Variants in CCDC102A observed in about 807,000 individuals in gnomAD.
CCDC102A encodes the protein coiled-coil domain-containing protein 102A.
CCDC102A carries 40 observed loss-of-function variants against 55.5 expected under a neutral mutation model. The ratio of observed to expected loss-of-function variants is 0.72; its 90% CI spans 0.56 to 0.94. The LOEUF is 0.94. Ranked by LOEUF, CCDC102A falls within the 40% of genes least tolerant of loss-of-function variation. The pLI is 0.00. For synonymous variants in CCDC102A, 323 were observed against 339.0 expected (o/e 0.95, Z 0.52); for missense variants, 779 against 768.6 (o/e 1.01, Z -0.16).
chr16:57,535,714 C>T (rs1252108606), intron 1 of CCDC102A, among the ~76,000 whole-genome samples: 6 of 150,910 alleles, frequency 4.0e-5, no homozygotes, highest in East Asian at 2.0e-4. Context: ...AGCTCCATCA[C>T]TGATATGCTG....
At chr16:57,519,040 C>A (rs1481507106) in intron 4 of CCDC102A, among the ~76,000 whole-genome samples, 1 of 152,234 alleles carries the variant, frequency 6.6e-6, no homozygotes, top group Non-Finnish European at 1.5e-5. Flanking sequence ...AATCATACCA[C>A]CCTCCTCCCA....
chr16:57,520,002 C>T (rs1483538492), intron 4 of CCDC102A, among the ~76,000 whole-genome samples: 1 of 152,208 alleles, frequency 6.6e-6, no homozygotes, highest in Non-Finnish European at 1.5e-5. Context: ...CTCTGAGCCC[C>T]CACACTGCAG....
intron 1 of CCDC102A, among the ~76,000 whole-genome samples, chr16:57,536,201 C>T (rs1238475471): frequency 1.3e-5 from 2 of 152,122 alleles, no homozygotes; most frequent in African/African-American, 2.4e-5. Flanking sequence ...ATTCCGTCCC[C>T]GCCCGCCGCC....
At chr16:57,519,763 A>G (rs1366492768) in intron 4 of CCDC102A, among the ~76,000 whole-genome samples, 1 of 152,234 alleles carries the variant, frequency 6.6e-6, no homozygotes, top group Non-Finnish European at 1.5e-5. Context: ...AAAGGTGCTG[A>G]TTCAGGAGGG....
intron 1 of CCDC102A, among the ~76,000 whole-genome samples, chr16:57,531,498 T>A (rs1478368862): frequency 6.6e-6 from 1 of 152,112 alleles, no homozygotes; most frequent in Non-Finnish European, 1.5e-5. Context: ...TCCCTGCCCA[T>A]CATGCACTTT....
chr16:57,525,164 C>T (rs886605604), intron 3 of CCDC102A, among the ~76,000 whole-genome samples: 7 of 152,152 alleles, frequency 4.6e-5, no homozygotes, highest in Non-Finnish European at 1.0e-4. Context: ...GGCACAATTC[C>T]GGCTCACTGC....
chr16:57,525,432 T>C (rs2032122310), intron 3 of CCDC102A, among the ~76,000 whole-genome samples: 1 of 152,100 alleles, frequency 6.6e-6, no homozygotes, highest in Non-Finnish European at 1.5e-5. Flanking sequence ...ATCTCTTCAC[T>C]GGTGACTCTT....
Position 57,528,925 on chromosome 16 carries a change from C to A in CCDC102A, c.253G>T (p.Ala85Ser). Residue 85 changes from alanine to serine, a missense_variant, in exon 2 of 9, where the codon GCG becomes TCG. Transcript: ENST00000258214. ...GTCTTCTCCATCTGCGCCGCCCGCGCCCGCGCCTCCTCCAGCTCCCGCAGC... is the reference window on the plus strand; with the variant it reads ...GTCTTCTCCATCTGCGCCGCCCGCGACCGCGCCTCCTCCAGCTCCCGCAGC... ...LRLRELEEARARAAQMEKTMR... is the reference protein window; with the variant it reads ...LRLRELEEARSRAAQMEKTMR... The A allele has an allele frequency of 7.1e-7, 1 of 1,403,156 alleles. No homozygotes were observed. The highest frequency in any genetic ancestry group is 3.5e-5 in the East Asian group (1 of 28,852). The allele number at this position is 1,403,156 out of a possible 1,614,324, so 86.9% of individuals were successfully genotyped here.
chr16:57,512,520 G>T lies in CCDC102A; in HGVS notation c.*221C>A. The T allele has an allele frequency of 2.1e-6, 1 of 466,470 alleles. No individual in the cohort carries two copies. The highest frequency in any genetic ancestry group is 3.7e-6 in the Non-Finnish European group (1 of 272,038). 28.9% of individuals were successfully genotyped at this position (466,470 alleles called of 1,614,324 possible). On this transcript the variant is annotated 3_prime_UTR_variant, in exon 9 of 9. Transcript: ENST00000258214. ...TCCAAAGACTTCTGGGTGTGCGCGC[G>T]CGCGCGCGCGTGTGTGTATATATAT...
intron 6 of CCDC102A, 21 bp downstream of exon 6, chr16:57,518,047 C>A (rs565566514): frequency 6.3e-7 from 1 of 1,578,422 alleles, no homozygotes; most frequent in Non-Finnish European, 8.6e-7. Context: ...CCAGCACTGG[C>A]CACTCCACTC....
At position 57,515,364 on chromosome 16, in the gene CCDC102A, C is replaced by A; in HGVS notation, c.1500G>T (p.Val500=). ...EQTEQSENLQ[V]QLEHLQSRLR... is the part of the protein sequence containing the mutation. ...ACCTGGACTGCAGGTGCTCCAGTTG[C>A]ACTTGCAGGTTCTCGCTCTGCTCCG... The change falls in exon 8 of 9, where the codon GTG becomes GTT. Residue 500 remains valine (V), a synonymous_variant. Coordinates refer to ENST00000258214, the MANE Select transcript of CCDC102A (RefSeq NM_033212.4). 1 of 1,605,384 alleles carries A rather than the reference C, an allele frequency of 6.2e-7. No homozygotes were observed. The highest frequency in any genetic ancestry group is 8.5e-7 in the Non-Finnish European group (1 of 1,176,492).
At position 57,525,946 on chromosome 16, in the gene CCDC102A, C is replaced by T. The variant is rs544503465; in HGVS notation, c.767G>A (p.Arg256Gln). 2.8e-5 allele frequency: 45 copies of T among 1,612,486 alleles called. No individual in the cohort carries two copies. The highest frequency in any genetic ancestry group is 1.0e-4 in the Admixed American group (6 of 59,468). Residue 256 changes from arginine (R) to glutamine (Q), a missense_variant, in exon 3 of 9, where the codon CGG becomes CAG. Physicochemically the swap from Arg to Gln is conservative, Grantham distance 43. Coordinates refer to ENST00000258214, the MANE Select transcript of CCDC102A (RefSeq NM_033212.4). ...EEEASKLTALRLRLDESQKVL... is the reference protein window; with the variant it reads ...EEEASKLTALQLRLDESQKVL... ...CTTCTGGGACTCATCCAGCCGTAGC[C>T]GCAGGGCGGTCAACTTGGAGGCCTC...
At position 57,512,686 on chromosome 16, in the gene CCDC102A, A is replaced by G; in HGVS notation, c.*55T>C. 1 of 1,566,034 alleles carries G rather than the reference A, an allele frequency of 6.4e-7. No individual in the cohort carries two copies. Among genetic ancestry groups the G allele is most frequent in the Non-Finnish European group, 8.7e-7 (1 of 1,155,646 alleles). On this transcript the variant is annotated 3_prime_UTR_variant, in exon 9 of 9. Transcript: ENST00000258214. ...ACTGCATCAGTTTGAGTGGCTGGTT[A>G]GCCTGGACCCTGGGCAGGTATGGGG...
At chr16:57,532,819 G>A (rs916856560) in intron 1 of CCDC102A, among the ~76,000 whole-genome samples, 6 of 152,236 alleles carry the variant, frequency 3.9e-5, no homozygotes, top group Non-Finnish European at 7.3e-5. Context: ...GTGAGAGCCT[G>A]TGGGGGGAGG....
rs1385072132 is a variant in CCDC102A at position 57,516,071 on chromosome 16, TC to T, written c.1419+221del. Reference sequence around the variant, plus strand: ...ACCCATTGGTTCATCCATGCACACATCCATCTTGTCTTCTGTTCATTTTTCT... The same window carrying T: ...ACCCATTGGTTCATCCATGCACACATCATCTTGTCTTCTGTTCATTTTTCT... On this transcript the variant is annotated intron_variant, in intron 7 of 8. Coordinates refer to ENST00000258214, the MANE Select transcript of CCDC102A (RefSeq NM_033212.4). The surrounding 1 kb of genome is among the most constrained non-coding windows in gnomAD (Gnocchi z 4.4). 3.0e-4 allele frequency among the ~76,000 whole-genome samples: 45 copies of T among 152,258 alleles called. No homozygotes were observed. Among genetic ancestry groups the T allele is most frequent in the African/African-American group, 1.1e-3 (44 of 41,552 alleles).
At position 57,518,704 on chromosome 16, in the gene CCDC102A, C is replaced by A. The variant is rs1444262516; in HGVS notation, c.959G>T (p.Gly320Val). The A allele has an allele frequency of 3.1e-6, 5 of 1,611,640 alleles. No homozygotes were observed. Among genetic ancestry groups the A allele is most frequent in the Non-Finnish European group, 4.2e-6 (5 of 1,178,948 alleles). ...ATCTTCCAGGTCCTCAGACATGCGGCCCAGCTCGTCCTGGTGCGCCTCCTT... is the reference window on the plus strand; with the variant it reads ...ATCTTCCAGGTCCTCAGACATGCGGACCAGCTCGTCCTGGTGCGCCTCCTT... ...ILKEAHQDEL[G>V]RMSEDLEDEL... The change falls in exon 5 of 9, where the codon GGC (glycine) becomes GTC (valine). Residue 320 changes from glycine to valine, a missense_variant. By Grantham distance (109) the Gly-to-Val change is moderately radical. Transcript: ENST00000258214.
chr16:57,535,173 CCACAGACTGCGGG>C (rs1259479234), intron 1 of CCDC102A, among the ~76,000 whole-genome samples: 3 of 152,330 alleles, frequency 2.0e-5, no homozygotes, highest in Non-Finnish European at 4.4e-5. Flanking sequence ...GCTGGTCAGC[CCACAGACTGCGGG>C]CACCTGTCCC....
intron 1 of CCDC102A, among the ~76,000 whole-genome samples, chr16:57,534,593 G>A (rs1277425204): frequency 6.6e-6 from 1 of 152,118 alleles, no homozygotes; most frequent in Non-Finnish European, 1.5e-5. Flanking sequence ...TACAGCAAAG[G>A]CCTTACTTTG....
At chr16:57,513,224 G>A (rs1225571821) in intron 8 of CCDC102A, among the ~76,000 whole-genome samples, 1 of 152,220 alleles carries the variant, frequency 6.6e-6, no homozygotes. Flanking sequence ...TCAGAGCACA[G>A]GCAGCAGAGT....
Sources: gnomAD v4.1 joint callset for allele counts (sites outside exome capture counted in the v4.1 genomes callset) on GRCh38, gnomAD v4.1.1 for gene constraint, Gnocchi (gnomAD v3.1) non-coding constraint, MANE v1.5 for transcripts, NCBI Gene and HGNC (gene_info 2026-07-23, HGNC 2026-07-21) for gene names.